SCARB2: variants seen among roughly 807,000 people sequenced by gnomAD.
SCARB2 encodes the protein scavenger receptor class B member 2, also known as lysosome membrane protein 2.
Under a neutral mutation model 58.6 loss-of-function variants are expected in SCARB2, and 29 were observed. That is an observed-to-expected ratio of 0.49 (90% CI 0.37 to 0.67). The LOEUF (loss-of-function observed/expected upper bound fraction) is 0.67. SCARB2 is among the 30% of genes least tolerant of loss of function. The pLI is 0.00. For synonymous variants in SCARB2, 195 were observed against 210.1 expected (o/e 0.93, Z 0.62); for missense variants, 488 against 578.5 (o/e 0.84, Z 1.60).
Position 76,196,609 on chromosome 4 carries a change from C to T in SCARB2, c.118-745G>A, listed in dbSNP as rs574933913. Among the ~76,000 whole-genome samples the T allele has an allele frequency of 2.8e-3, 433 of 152,270 alleles. 2 individuals are homozygous for T. Among genetic ancestry groups the T allele is most frequent in the African/African-American group, 9.9e-3 (413 of 41,534 alleles). ...AACAAGGGGAAGGGCCCAAGAAGGC[C>T]AGTTTTGGTCCTTTTTCAAGTCAAA... On this transcript the variant is annotated intron_variant, in intron 1 of 11. Coordinates refer to ENST00000264896, the MANE Select transcript of SCARB2 (RefSeq NM_005506.4).
intron 6 of SCARB2, 97 bp downstream of exon 6, chr4:76,175,694 G>C: frequency 7.2e-7 from 1 of 1,389,866 alleles, no homozygotes; most frequent in East Asian, 2.3e-5. Context: ...AAATATCCAT[G>C]CATAATAAGT....
At chr4:76,171,240 A>G (rs1732123593) in intron 7 of SCARB2, among the ~76,000 whole-genome samples, 1 of 152,120 alleles carries the variant, frequency 6.6e-6, no homozygotes, top group African/African-American at 2.4e-5. Flanking sequence ...AATGACCTTG[A>G]AAATGTATTT....
chr4:76,217,036 C>A (rs781621115), upstream of SCARB2, among the ~76,000 whole-genome samples: 1 of 152,192 alleles, frequency 6.6e-6, no homozygotes, highest in Non-Finnish European at 1.5e-5. Flanking sequence ...GCCCCAAAAT[C>A]CAGATTTAAG....
chr4:76,224,486 C>CT (rs1356533664), intron 1 of SCARB2, among the ~76,000 whole-genome samples: 1 of 152,116 alleles, frequency 6.6e-6, no homozygotes, highest in Admixed American at 6.5e-5. Context: ...TGGCAGGAGA[C>CT]TTTTTTAAAG....
intron 2 of SCARB2, chr4:76,193,869 GAGA>G (rs1334418753): frequency 6.6e-6 from 1 of 152,238 alleles, no homozygotes; most frequent in Admixed American, 6.5e-5. Flanking sequence ...TTTAACATGT[GAGA>G]AGGACATGAA....
chr4:76,228,478 TA>T (rs906897366), intron 1 of SCARB2, among the ~76,000 whole-genome samples: 297 of 140,546 alleles, frequency 2.1e-3, no homozygotes, highest in Non-Finnish European at 2.4e-3. Context: ...GCCTCCATCT[TA>T]AAAAAAAAAA....
At chr4:76,217,535 G>T (rs936575909), upstream of SCARB2, 1 of 439,016 alleles carries the variant, frequency 2.3e-6, no homozygotes, top group South Asian at 5.6e-5. Flanking sequence ...CTTCCTCTCT[G>T]CCCATGTGCC....
At chr4:76,172,087 T>TAA (rs976772003) in intron 7 of SCARB2, among the ~76,000 whole-genome samples, 4 of 148,574 alleles carry the variant, frequency 2.7e-5, no homozygotes, top group African/African-American at 9.8e-5. Context: ...TATATAACTA[T>TAA]AAAATTTGTT....
chr4:76,179,624 C>A lies in SCARB2; in HGVS notation c.505G>T (p.Val169Leu). 1.2e-6 allele frequency: 2 copies of A among 1,614,120 alleles called. No homozygotes were observed. Among genetic ancestry groups the A allele is most frequent in the Non-Finnish European group, 1.7e-6 (2 of 1,179,966 alleles). ...AGCAATTCGTCAACTGTGTGAGTCA[C>A]AAAGAGCTTCTGCTGATAGGCTTTC... Reference protein sequence around the residue: ...MLKAYQQKLFVTHTVDELLWG... With the variant: ...MLKAYQQKLFLTHTVDELLWG... The change falls in exon 4 of 12, where the codon GTG (valine) becomes TTG (leucine). Residue 169 changes from valine (V) to leucine (L), a missense_variant. Coordinates refer to ENST00000264896, the MANE Select transcript of SCARB2 (RefSeq NM_005506.4).
intron 1 of SCARB2, among the ~76,000 whole-genome samples, chr4:76,207,019 T>A (rs1028790750): frequency 1.3e-5 from 2 of 152,198 alleles, no homozygotes; most frequent in Non-Finnish European, 2.9e-5. Context: ...TATGTATTTT[T>A]AAAAATATTC....
At chr4:76,188,764 T>C (rs1478140967) in intron 2 of SCARB2, among the ~76,000 whole-genome samples, 1 of 152,186 alleles carries the variant, frequency 6.6e-6, no homozygotes, top group Non-Finnish European at 1.5e-5. Context: ...AAAAGGCACA[T>C]GTAGAGACTA....
chr4:76,208,047 C>T (rs1732963945), intron 1 of SCARB2, among the ~76,000 whole-genome samples: 1 of 152,226 alleles, frequency 6.6e-6, no homozygotes, highest in Non-Finnish European at 1.5e-5. Context: ...AGATTACGAT[C>T]CCACAGCAAC....
chr4:76,165,762 C>CG (rs1731994967), intron 10 of SCARB2: 1 of 145,298 alleles, frequency 6.9e-6, no homozygotes. Flanking sequence ...AAAAAACCTG[C>CG]GTTTTTTTTT....
chr4:76,186,676 C>G (rs182323504), intron 2 of SCARB2, among the ~76,000 whole-genome samples: 14 of 152,306 alleles, frequency 9.2e-5, no homozygotes, highest in Middle Eastern at 3.4e-3. Context: ...GTCTCCCTGT[C>G]CCCAGGCAGT....
At chr4:76,229,139 T>C (rs1049650375) in intron 1 of SCARB2, among the ~76,000 whole-genome samples, 2 of 152,220 alleles carry the variant, frequency 1.3e-5, no homozygotes, top group Admixed American at 6.5e-5. Context: ...TATATTTTTC[T>C]AAGTGTGCAC....
At chr4:76,196,791 C>A (rs964899103) in intron 1 of SCARB2, among the ~76,000 whole-genome samples, 2 of 152,238 alleles carry the variant, frequency 1.3e-5, no homozygotes, top group African/African-American at 4.8e-5. Context: ...GCACTCTGCA[C>A]ACAATCCCTC....
chr4:76,163,413 T>C, intron 10 of SCARB2, 30 bp from the exon 11 acceptor site: 2 of 1,613,018 alleles, frequency 1.2e-6, no homozygotes. Context: ...GTATTCTTGA[T>C]GACTAAACAT....
chr4:76,228,404 G>A (rs1167066687), intron 1 of SCARB2, among the ~76,000 whole-genome samples: 10 of 151,622 alleles, frequency 6.6e-5, no homozygotes, highest in South Asian at 2.1e-4. Context: ...ACTTGAACCC[G>A]GAAGGTGAAG....
chr4:76,183,162 G>GT (rs987918281), intron 2 of SCARB2, among the ~76,000 whole-genome samples: 2 of 152,196 alleles, frequency 1.3e-5, no homozygotes, highest in Admixed American at 6.5e-5. Context: ...CTCTCATACT[G>GT]TAACAACTTA....
Sources: gnomAD v4.1 joint callset for allele counts (sites outside exome capture counted in the v4.1 genomes callset) on GRCh38, gnomAD v4.1.1 for gene constraint, MANE v1.5 for transcripts, NCBI Gene and HGNC (gene_info 2026-07-23, HGNC 2026-07-21) for gene names.